The following SUPT3H variants were observed in gnomAD, a reference collection of about 807,000 sequenced individuals.
The protein encoded by SUPT3H is SPT3 homolog, SAGA and STAGA complex component.
A neutral mutation model predicts 44.3 loss-of-function variants in SUPT3H; 44 were observed. That is an observed-to-expected ratio of 0.99 (90% CI 0.78 to 1.28). The LOEUF is 1.28. Ranked by LOEUF, SUPT3H falls within the 50% of genes most tolerant of loss-of-function variation. SUPT3H has a pLI of 0.00. For synonymous variants in SUPT3H, 124 were observed against 125.6 expected (o/e 0.99, Z 0.09); for missense variants, 380 against 387.1 (o/e 0.98, Z 0.15).
chr6:45,216,978 G>A (rs1009447606), intron 2 of SUPT3H, among the ~76,000 whole-genome samples: 1 of 152,132 alleles, frequency 6.6e-6, no homozygotes, highest in African/African-American at 2.4e-5. Context: ...GTAGTTATTA[G>A]AGACTAGGGA....
chr6:44,885,024 G>C (rs759825515), intron 10 of SUPT3H, among the ~76,000 whole-genome samples: 6 of 152,184 alleles, frequency 3.9e-5, no homozygotes, highest in Non-Finnish European at 5.9e-5. Context: ...TAGCACAGCA[G>C]TCTGAAATCA....
chr6:45,166,682 A>T (rs1809936306), intron 2 of SUPT3H, among the ~76,000 whole-genome samples: 1 of 152,130 alleles, frequency 6.6e-6, no homozygotes, highest in Admixed American at 6.6e-5. Flanking sequence ...TAAAACAAAA[A>T]GCAAAATCCC....
intron 2 of SUPT3H, among the ~76,000 whole-genome samples, chr6:45,118,803 T>C (rs1443735504): frequency 6.6e-6 from 1 of 152,142 alleles, no homozygotes; most frequent in African/African-American, 2.4e-5. Flanking sequence ...CAAGTAACTT[T>C]AAGTAGCCCT....
In SUPT3H at chr6:45,285,378, T is replaced by C. The variant is rs568213554; in HGVS notation, c.101+79823A>G. On this transcript the variant is annotated intron_variant, in intron 2 of 10. Coordinates refer to ENST00000371459, the MANE Select transcript of SUPT3H (RefSeq NM_003599.4). ...CAGCCCAAAATCTCCTTAAGCTGAT[T>C]GTCAACTGCAGCAAAGTCTCAGGAT... Among the ~76,000 whole-genome samples, 4 of 152,264 alleles carry C rather than the reference T, an allele frequency of 2.6e-5. No individual in the cohort carries two copies. The South Asian group carries it at 6.2e-4, about 24-fold the overall frequency.
chr6:45,314,007 T>C (rs1014430985), intron 2 of SUPT3H, among the ~76,000 whole-genome samples: 2 of 152,180 alleles, frequency 1.3e-5, no homozygotes, highest in Non-Finnish European at 2.9e-5. Context: ...TCAATAAATA[T>C]ATTTCACCAC....
chr6:45,046,789 G>T (rs554045415), intron 3 of SUPT3H, among the ~76,000 whole-genome samples: 2 of 152,156 alleles, frequency 1.3e-5, no homozygotes, highest in East Asian at 1.9e-4. Flanking sequence ...TTTAATAGAG[G>T]CTGCAATGAA....
chr6:45,222,908 A>T (rs1766300031), intron 2 of SUPT3H, among the ~76,000 whole-genome samples: 1 of 152,164 alleles, frequency 6.6e-6, no homozygotes, highest in African/African-American at 2.4e-5. Flanking sequence ...ATGAATCTTC[A>T]TGGAATTATG....
Position 44,827,010 on chromosome 6 carries a change from C to T in SUPT3H, c.*2806G>A, listed in dbSNP as rs1393353845. Among the ~76,000 whole-genome samples the T allele has an allele frequency of 6.6e-6, 1 of 152,148 alleles. No individual in the cohort carries two copies. The highest frequency in any genetic ancestry group is 1.9e-4 in the East Asian group (1 of 5,198). On this transcript the variant is annotated 3_prime_UTR_variant, in exon 11 of 11. Transcript: ENST00000371459. ...GGCATAACCCTCTAAATGGCACGTTCAGAAAGTTATACTTCCAAATTTAGG... is the reference window on the plus strand; with the variant it reads ...GGCATAACCCTCTAAATGGCACGTTTAGAAAGTTATACTTCCAAATTTAGG...
chr6:45,131,170 T>C (rs1583723878), intron 2 of SUPT3H, among the ~76,000 whole-genome samples: 2 of 152,320 alleles, frequency 1.3e-5, no homozygotes, highest in South Asian at 4.1e-4. Flanking sequence ...TATGGAATAC[T>C]GGGCTAAATT....
intron 10 of SUPT3H, among the ~76,000 whole-genome samples, chr6:44,843,785 T>C (rs1030333549): frequency 6.6e-6 from 1 of 152,104 alleles, no homozygotes; most frequent in Admixed American, 6.6e-5. Flanking sequence ...ATTGTAAAGA[T>C]ATTTTTCCAT....
intron 10 of SUPT3H, among the ~76,000 whole-genome samples, chr6:44,851,508 T>C (rs1207123501): frequency 1.3e-5 from 2 of 152,216 alleles, no homozygotes; most frequent in Non-Finnish European, 1.5e-5. Context: ...GTGCTAGATA[T>C]AGTGGAACTA....
chr6:45,224,520 G>GGCAA lies in SUPT3H; in HGVS notation c.102-118518_102-118515dup, dbSNP rs1210554762. Among the ~76,000 whole-genome samples, 4 of 152,156 alleles carry GGCAA rather than the reference G, an allele frequency of 2.6e-5. No homozygotes were observed. The East Asian group carries it at 7.7e-4, about 29-fold the overall frequency. On this transcript the variant is annotated intron_variant, in intron 2 of 10. Transcript: ENST00000371459. ...CCATCATTTGACAAAAGGATGAATA[G>GGCAA]GCAAGCAAGAGTTCATTCAAAACTA...
At chr6:45,197,922 G>T (rs1345425820) in intron 2 of SUPT3H, among the ~76,000 whole-genome samples, 2 of 151,058 alleles carry the variant, frequency 1.3e-5, no homozygotes, top group African/African-American at 4.8e-5. Context: ...TCTGCAATTA[G>T]CATCTATTCA....
intron 2 of SUPT3H, among the ~76,000 whole-genome samples, chr6:45,242,216 C>A (rs1249789871): frequency 6.6e-6 from 1 of 152,142 alleles, no homozygotes; most frequent in Non-Finnish European, 1.5e-5. Context: ...TATGCTTATC[C>A]AGCCTTTCGT....
intron 2 of SUPT3H, among the ~76,000 whole-genome samples, chr6:45,242,761 G>A (rs1338482217): frequency 6.6e-6 from 1 of 152,060 alleles, no homozygotes; most frequent in African/African-American, 2.4e-5. Context: ...AAAAACATGA[G>A]TCACAATGAC....
intron 10 of SUPT3H, among the ~76,000 whole-genome samples, chr6:44,839,745 A>G (rs1223231547): frequency 6.6e-6 from 1 of 151,890 alleles, no homozygotes; most frequent in Non-Finnish European, 1.5e-5. Flanking sequence ...TCTGTCGCCC[A>G]GGCTGGAGTG....
At chr6:45,019,442 G>C (rs572830305) in intron 4 of SUPT3H, among the ~76,000 whole-genome samples, 18 of 152,024 alleles carry the variant, frequency 1.2e-4, no homozygotes, top group Admixed American at 2.0e-4. Flanking sequence ...TGTGATGTTA[G>C]GGTGTCAATT....
At chr6:45,010,247 A>G (rs1783288754) in intron 5 of SUPT3H, among the ~76,000 whole-genome samples, 1 of 152,086 alleles carries the variant, frequency 6.6e-6, no homozygotes, top group Non-Finnish European at 1.5e-5. Context: ...AATTTCTTAG[A>G]ATTTTCTATA....
At position 44,927,521 on chromosome 6, in the gene SUPT3H, G is replaced by T. The variant is rs561841003; in HGVS notation, c.912+5132C>A. Among the ~76,000 whole-genome samples the T allele has an allele frequency of 1.6e-4, 25 of 152,180 alleles. No individual in the cohort carries two copies. The South Asian group carries it at 5.2e-3, about 31-fold the overall frequency. On this transcript the variant is annotated intron_variant, in intron 10 of 10. Transcript: ENST00000371459. ...GCAAATATGTAAAATCACAAACACT[G>T]AAATTGAAGAAACTTTATAAATTAG...
Sources: allele counts gnomAD v4.1 joint callset (sites outside exome capture counted in the v4.1 genomes callset), GRCh38; gene constraint gnomAD v4.1.1; transcripts MANE v1.5; gene names NCBI Gene and HGNC (gene_info 2026-07-23, HGNC 2026-07-21).